The following ANKMY1 variants were observed in gnomAD, a reference collection of about 807,000 sequenced individuals.
The protein encoded by ANKMY1 is ankyrin repeat and MYND domain containing 1.
In ANKMY1, 98 loss-of-function variants were observed where a neutral mutation model predicts 102.0. The ratio of observed to expected loss-of-function variants is 0.96; its 90% CI spans 0.82 to 1.14. ANKMY1 has a LOEUF of 1.14. Among genes scored for constraint, ANKMY1 ranks in the 50% most tolerant of loss-of-function variants. The pLI is 0.00. For missense variants in ANKMY1, 1,330 were observed against 1,347.6 expected (o/e 0.99, Z 0.20); for synonymous variants, 582 against 559.9 (o/e 1.04, Z -0.56).
At chr2:240,469,398 GGA>G in the ANKMY1 span, among the ~76,000 whole-genome samples, 1 of 152,192 alleles carries the variant, frequency 6.6e-6, no homozygotes, top group Non-Finnish European at 1.5e-5. Context: ...GGCTGCTCAG[GGA>G]GAGACCCCTT....
At chr2:240,515,336 A>C (rs1030288529) in intron 9 of ANKMY1, among the ~76,000 whole-genome samples, 2 of 152,150 alleles carry the variant, frequency 1.3e-5, no homozygotes, top group Admixed American at 6.5e-5. Context: ...GGAGTTCAAG[A>C]CCAGCCTGGC....
rs149263381 is a variant in ANKMY1 at position 240,524,341 on chromosome 2, G to A, written c.1376C>T (p.Ser459Leu). 37 of 1,608,164 alleles carry A rather than the reference G, an allele frequency of 2.3e-5. No individual in the cohort carries two copies. The African/African-American group carries it at 4.4e-4, about 19-fold the overall frequency. ...KFPVVPILSS[S>L]FMDTNLESLY... ...AGACTCCAGGTTTGTGTCCATAAAT[G>A]ATGATGAAAGGATTGGAACAACTGG... is the stretch of plus-strand genomic sequence containing the variant. Residue 459 changes from serine (S) to leucine (L), a missense_variant, in exon 8 of 18, where the codon TCA becomes TTA. Transcript: ENST00000401804.
At position 240,520,274 on chromosome 2, in the gene ANKMY1, T is replaced by A; in HGVS notation, c.2004+88A>T. The A allele has an allele frequency of 6.7e-7, 1 of 1,490,210 alleles. No homozygotes were observed. The highest frequency in any genetic ancestry group is 9.0e-7 in the Non-Finnish European group (1 of 1,109,918). 92.3% of individuals were successfully genotyped at this position (1,490,210 alleles called of 1,614,324 possible). On this transcript the variant is annotated intron_variant, in intron 9 of 17. Transcript: ENST00000401804. This position sits in a 1 kb window ranked among gnomAD's most constrained non-coding sequence, Gnocchi z 4.8. ...CGCCTGCAAGAGCCCACCCCTCTCT[T>A]CCGCGCCTAGGTGGAGCGAGGAGCT... is the stretch of plus-strand genomic sequence containing the variant.
chr2:240,478,149 C>T (rs1406073615), downstream of ANKMY1, among the ~76,000 whole-genome samples: 3 of 152,198 alleles, frequency 2.0e-5, no homozygotes, highest in South Asian at 2.1e-4. Flanking sequence ...CCGGCTTCCC[C>T]TTCTCCTTCC....
downstream of ANKMY1, among the ~76,000 whole-genome samples, chr2:240,474,962 G>A (rs548193617): frequency 2.6e-5 from 4 of 152,332 alleles, no homozygotes; most frequent in South Asian, 4.1e-4. Flanking sequence ...GCTGGGTCAA[G>A]TGACAGCTCT....
upstream of ANKMY1, chr2:240,560,531 G>C: frequency 8.7e-7 from 1 of 1,149,884 alleles, no homozygotes; most frequent in Non-Finnish European, 1.1e-6. Context: ...GCGCCCGCGG[G>C]GGACCCAAGC....
intron 3 of ANKMY1, 148 bp from the exon 4 acceptor site, chr2:240,553,205 T>A: frequency 3.1e-6 from 3 of 954,164 alleles, no homozygotes; most frequent in Non-Finnish European, 4.6e-6. Context: ...ATGCGACTAT[T>A]AGAGTCGGCA....
intron 8 of ANKMY1, among the ~76,000 whole-genome samples, chr2:240,521,491 CTTTTTTTTTTTTTT>C (rs1162330484): frequency 1.4e-5 from 1 of 69,592 alleles, no homozygotes; most frequent in African/African-American, 6.0e-5. Context: ...GGTGTTACAG[CTTTTTTTTTTTTTT>C]TTTTTTTTTT....
chr2:240,526,540 C>T (rs2083454376), intron 5 of ANKMY1, 95 bp from the exon 6 acceptor site: 1 of 1,546,582 alleles, frequency 6.5e-7, no homozygotes, highest in South Asian at 1.2e-5. Flanking sequence ...ATGCCTCTCC[C>T]TCTTGTGGCT....
At chr2:240,508,218 G>T (rs1287959485) in intron 12 of ANKMY1, among the ~76,000 whole-genome samples, 1 of 152,230 alleles carries the variant, frequency 6.6e-6, no homozygotes, top group Non-Finnish European at 1.5e-5. Context: ...CAGGAAGAAG[G>T]ACAGCCGTGG....
Position 240,520,387 on chromosome 2 carries a change from C to T in ANKMY1, c.1979G>A (p.Arg660Lys). 1 of 1,579,494 alleles carries T rather than the reference C, an allele frequency of 6.3e-7. No homozygotes were observed. The highest frequency in any genetic ancestry group is 1.1e-5 in the South Asian group (1 of 87,154). Residue 660 changes from arginine to lysine, a missense_variant, in exon 9 of 18, where the codon AGG becomes AAG. Arg to Lys is a conservative substitution (Grantham distance 26). Coordinates refer to ENST00000401804, the MANE Select transcript of ANKMY1 (RefSeq NM_001282771.3). The surrounding 1 kb of genome is among the most constrained non-coding windows in gnomAD (Gnocchi z 4.8). The stretch of plus-strand genomic sequence containing the variant: ...CTGCGGCGGAAAGCAGATGTCGGTC[C>T]TCGCCCCGTGCTCCAGCAGCAGCCT... ...GVRLLLEHGA[R>K]TDICFPPQLS...
downstream of ANKMY1, among the ~76,000 whole-genome samples, chr2:240,478,690 C>G (rs1158546196): frequency 1.3e-5 from 2 of 151,694 alleles, no homozygotes; most frequent in Non-Finnish European, 2.9e-5. Context: ...CAACAAACCC[C>G]CAGCATGGAG....
At chr2:240,531,598 G>A (rs1416146434) in intron 4 of ANKMY1, among the ~76,000 whole-genome samples, 1 of 152,064 alleles carries the variant, frequency 6.6e-6, no homozygotes, top group East Asian at 1.9e-4. Context: ...AGTCTCAAAA[G>A]AATCATGCCG....
chr2:240,524,278 T>C lies in ANKMY1; in HGVS notation c.1439A>G (p.Tyr480Cys). The stretch of plus-strand genomic sequence containing the variant: ...TGGTGCTGGCGGTGGCCTCAGCTCA[T>C]AGCTACCCTGGGAAGGCACGTTCAC... ...YEVNVPSQGS[Y>C]ELRPPPAPLL... Residue 480 changes from tyrosine (Y) to cysteine (C), a missense_variant, in exon 8 of 18, where the codon TAT (tyrosine) becomes TGT (cysteine). Coordinates refer to ENST00000401804, the MANE Select transcript of ANKMY1 (RefSeq NM_001282771.3). 1.9e-6 allele frequency: 3 copies of C among 1,613,798 alleles called. No individual in the cohort carries two copies. The highest frequency in any genetic ancestry group is 2.2e-5 in the South Asian group (2 of 91,082).
chr2:240,492,753 C>T (rs555151438), intron 15 of ANKMY1, among the ~76,000 whole-genome samples: 12 of 152,246 alleles, frequency 7.9e-5, no homozygotes, highest in East Asian at 3.9e-4. Flanking sequence ...TGCAGTGGCA[C>T]GATCTCGGCT....
chr2:240,514,267 T>C (rs2080795398), intron 9 of ANKMY1, among the ~76,000 whole-genome samples: 1 of 152,206 alleles, frequency 6.6e-6, no homozygotes, highest in African/African-American at 2.4e-5. Flanking sequence ...GCTGGGGTTC[T>C]AACGTCTCTC....
intron 4 of ANKMY1, 62 bp downstream of exon 4, chr2:240,552,852 T>C (rs763046483): frequency 6.2e-7 from 1 of 1,610,162 alleles, no homozygotes; most frequent in African/African-American, 1.3e-5. Flanking sequence ...TATCTTTTTG[T>C]CCAGTGGCTT....
chr2:240,560,693 G>A (rs770039516), upstream of ANKMY1: 25 of 1,526,032 alleles, frequency 1.6e-5, no homozygotes, highest in Non-Finnish European at 2.1e-5. Flanking sequence ...CCATGGGACC[G>A]GCAGAAGCTG....
In ANKMY1 at chr2:240,529,277, T is replaced by A. The variant is rs765852536; in HGVS notation, c.713A>T (p.Asp238Val). ...KTEWGLQEGQDPFFYDYKRFL... is the reference protein window; with the variant it reads ...KTEWGLQEGQVPFFYDYKRFL... ...CCGCTTATAGTCATAGAAAAAGGGA[T>A]CCTGTCCCTCCTGCAGTCCCCACTC... Residue 238 changes from aspartate to valine, a missense_variant, in exon 5 of 18, where the codon GAT becomes GTT. Transcript: ENST00000401804. The surrounding 1 kb of genome is among the most constrained non-coding windows in gnomAD (Gnocchi z 4.2). The A allele has an allele frequency of 3.1e-6, 5 of 1,614,042 alleles. No individual in the cohort carries two copies. Among genetic ancestry groups the A allele is most frequent in the Non-Finnish European group, 4.2e-6 (5 of 1,180,038 alleles).
Sources: gnomAD v4.1 joint callset for allele counts (sites outside exome capture counted in the v4.1 genomes callset) on GRCh38, gnomAD v4.1.1 for gene constraint, Gnocchi (gnomAD v3.1) non-coding constraint, MANE v1.5 for transcripts, NCBI Gene and HGNC (gene_info 2026-07-23, HGNC 2026-07-21) for gene names.